Variants in IYD observed in about 807,000 individuals in gnomAD.
IYD encodes iodotyrosine deiodinase, also known as iodotyrosine deiodinase 1.
A neutral mutation model predicts 28.4 loss-of-function variants in IYD; 25 were observed. The ratio of observed to expected loss-of-function variants is 0.88; its 90% confidence interval spans 0.64 to 1.23. The LOEUF is 1.23. Among genes scored for constraint, IYD ranks in the 50% most tolerant of loss-of-function variants. The pLI is 0.00. For missense variants in IYD, 352 were observed against 357.9 expected (o/e 0.98, Z 0.13); for synonymous variants, 140 against 130.8 (o/e 1.07, Z -0.48).
At chr6:150,385,793 C>T (rs1450155276) in intron 1 of IYD, among the ~76,000 whole-genome samples, 1 of 151,670 alleles carries the variant, frequency 6.6e-6, no homozygotes, top group African/African-American at 2.4e-5. Flanking sequence ...TCTTTGCTTA[C>T]TAATTCAGCT....
intron 4 of IYD, chr6:150,396,258 A>T (rs1330714464): frequency 6.4e-5 from 26 of 403,632 alleles, no homozygotes; most frequent in Admixed American, 5.6e-4. Context: ...AGTGAATATG[A>T]AAACTTTTTT....
chr6:150,394,372 T>C, intron 4 of IYD, 117 bp downstream of exon 4: 1 of 1,097,404 alleles, frequency 9.1e-7, no homozygotes, highest in Middle Eastern at 2.7e-4. Context: ...CTAAGTGAGG[T>C]AACTCTGATG....
intron 1 of IYD, among the ~76,000 whole-genome samples, chr6:150,377,257 C>T (rs543155306): frequency 2.2e-4 from 34 of 152,174 alleles, no homozygotes; most frequent in Admixed American, 5.9e-4. Context: ...TGAATAATCC[C>T]TAGTGGCTCC....
At chr6:150,387,442 A>T (rs961171424) in intron 1 of IYD, among the ~76,000 whole-genome samples, 2 of 151,822 alleles carry the variant, frequency 1.3e-5, no homozygotes, top group African/African-American at 4.8e-5. Context: ...AAAAAAAAAA[A>T]AAAAAAGAAT....
intron 4 of IYD, among the ~76,000 whole-genome samples, chr6:150,397,343 C>A (rs1489017500): frequency 6.6e-6 from 1 of 151,960 alleles, no homozygotes; most frequent in African/African-American, 2.4e-5. Context: ...CTGAGACGGG[C>A]AGATCACTTA....
chr6:150,384,465 G>C (rs768258622), intron 1 of IYD: 1 of 152,076 alleles, frequency 6.6e-6, no homozygotes, highest in African/African-American at 2.4e-5. Flanking sequence ...CCTCATTTTG[G>C]TATATTTTGC....
At chr6:150,373,409 C>T (rs7761373) in intron 1 of IYD, among the ~76,000 whole-genome samples, 1 of 151,970 alleles carries the variant, frequency 6.6e-6, no homozygotes, top group Non-Finnish European at 1.5e-5. Context: ...ACCAGGGGTG[C>T]ACTCACTCCA....
rs1223654449 is a variant in IYD at position 150,402,555 on chromosome 6, G to C, written c.*4318G>C. On this transcript the variant is annotated 3_prime_UTR_variant, in exon 5 of 5. Coordinates refer to ENST00000344419, the MANE Select transcript of IYD (RefSeq NM_203395.3). ...GGGGAGAAGGAAAGTTGAAGAAATT[G>C]GTGAAATCAGAATAGGACAGTGAAA... The C allele has an allele frequency of 6.6e-6, 1 of 152,208 alleles. No individual in the cohort carries two copies. The highest frequency in any genetic ancestry group is 1.5e-5 in the Non-Finnish European group (1 of 68,044). The allele number at this position is 152,208 out of a possible 1,614,324, so 9.4% of individuals were successfully genotyped here.
rs879309090 is a variant in IYD at position 150,402,240 on chromosome 6, G to A, written c.*4003G>A. On this transcript the variant is annotated 3_prime_UTR_variant, in exon 5 of 5. Transcript: ENST00000344419. Reference sequence around the variant, plus strand: ...TAATACTGTGGGATGCAACTTCTAGGGCATGGCTGCCTCCTTCCTAGAGGC... The same window carrying A: ...TAATACTGTGGGATGCAACTTCTAGAGCATGGCTGCCTCCTTCCTAGAGGC... 1.3e-5 allele frequency: 2 copies of A among 152,134 alleles called. No individual in the cohort carries two copies. The highest frequency in any genetic ancestry group is 2.9e-5 in the Non-Finnish European group (2 of 68,036). The allele number at this position is 152,134 out of a possible 1,614,324, so 9.4% of individuals were successfully genotyped here. A position where few individuals can be genotyped will look rare whatever the true frequency, so the allele number is the denominator to read the frequency against.
chr6:150,397,965 T>C, intron 4 of IYD, 90 bp from the exon 5 acceptor site: 1 of 1,244,218 alleles, frequency 8.0e-7, no homozygotes, highest in East Asian at 2.3e-5. Context: ...GAAGAGCAGG[T>C]ATAATCAGGA....
intron 2 of IYD, 66 bp downstream of exon 2, chr6:150,389,609 A>G: frequency 7.4e-7 from 1 of 1,352,384 alleles, no homozygotes; most frequent in Non-Finnish European, 1.1e-6. Flanking sequence ...CCAACAATGG[A>G]AAAATGTCAA....
chr6:150,396,378 C>T (rs1010677145), intron 4 of IYD: 4 of 601,940 alleles, frequency 6.6e-6, no homozygotes, highest in East Asian at 3.1e-5. Flanking sequence ...GTACTCACAT[C>T]GAGAGAGTGA....
At chr6:150,380,944 T>G (rs1777624551) in intron 1 of IYD, among the ~76,000 whole-genome samples, 1 of 152,144 alleles carries the variant, frequency 6.6e-6, no homozygotes, top group Admixed American at 6.5e-5. Flanking sequence ...GCCTATGCTC[T>G]GAAAAAGAGT....
chr6:150,381,349 C>A (rs1441040135), intron 1 of IYD, among the ~76,000 whole-genome samples: 1 of 152,170 alleles, frequency 6.6e-6, no homozygotes, highest in Non-Finnish European at 1.5e-5. Flanking sequence ...GAGAAAATGT[C>A]AAGTGTCTTT....
intron 1 of IYD, among the ~76,000 whole-genome samples, chr6:150,369,538 AAG>A (rs1562306928): frequency 6.6e-6 from 1 of 152,188 alleles, no homozygotes; most frequent in Non-Finnish European, 1.5e-5. Flanking sequence ...GGCAGGGACT[AAG>A]AGGCCAGGTT....
chr6:150,403,205 T>C lies in IYD; in HGVS notation c.*4968T>C, dbSNP rs772456105. On this transcript the variant is annotated 3_prime_UTR_variant, in exon 5 of 5. Transcript: ENST00000344419. ...CAGTAAGTGGAAGAAAAACACATAG[T>C]TATCAGTGGATATTATGCCAGAGAG... is the stretch of plus-strand genomic sequence containing the variant. 2 of 152,272 alleles carry C rather than the reference T, an allele frequency of 1.3e-5. No homozygotes were observed. The highest frequency in any genetic ancestry group is 2.9e-5 in the Non-Finnish European group (2 of 68,050). The allele number at this position is 152,272 out of a possible 1,614,324, so 9.4% of individuals were successfully genotyped here. A position where few individuals can be genotyped will look rare whatever the true frequency, so the allele number is the denominator to read the frequency against.
At chr6:150,376,812 G>A (rs569879688) in intron 1 of IYD, among the ~76,000 whole-genome samples, 3 of 152,084 alleles carry the variant, frequency 2.0e-5, no homozygotes, top group South Asian at 2.1e-4. Flanking sequence ...TGTAAAGACA[G>A]GGTCTCTCTA....
chr6:150,404,690 C>G lies in IYD; in HGVS notation c.*6453C>G, dbSNP rs1778600122. On this transcript the variant is annotated 3_prime_UTR_variant, in exon 5 of 5. Coordinates refer to ENST00000344419, the MANE Select transcript of IYD (RefSeq NM_203395.3). ...AGTTAATCAAACATTAATTAAAGCC[C>G]CCCTTCCCCAAAGAGATTTGTTTTA... The G allele has an allele frequency of 6.6e-6, 1 of 151,956 alleles. No homozygotes were observed. Among genetic ancestry groups the G allele is most frequent in the African/African-American group, 2.4e-5 (1 of 41,370 alleles). 9.4% of individuals were successfully genotyped at this position (151,956 alleles called of 1,614,324 possible).
chr6:150,378,459 T>A (rs1444400460), intron 1 of IYD, among the ~76,000 whole-genome samples: 4 of 152,170 alleles, frequency 2.6e-5, no homozygotes, highest in Non-Finnish European at 5.9e-5. Flanking sequence ...AATAGTTTAC[T>A]GAGAATAATG....
Sources: gnomAD v4.1 joint callset for allele counts (sites outside exome capture counted in the v4.1 genomes callset) on GRCh38, gnomAD v4.1.1 for gene constraint, MANE v1.5 for transcripts, NCBI Gene and HGNC (gene_info 2026-07-23, HGNC 2026-07-21) for gene names.